The following RYR2 variants were observed in gnomAD, a reference collection of about 807,000 sequenced individuals.
RYR2 encodes ryanodine receptor 2.
A neutral mutation model predicts 601.1 loss-of-function variants in RYR2; 227 were observed. The observed-to-expected ratio is 0.38, with a 90% CI of 0.34 to 0.42. RYR2 has a LOEUF of 0.42. Ranked by LOEUF, RYR2 falls within the 10% of genes least tolerant of loss-of-function variation. The pLI, the probability that RYR2 is intolerant of heterozygous loss-of-function variation, is 1.00. For missense variants in RYR2, 4,646 were observed against 6,156.5 expected, an observed-to-expected ratio of 0.75 and a Z score of 8.21; for synonymous variants, 2,223 against 2,175.1, an observed-to-expected ratio of 1.02 and a Z score of -0.61.
intron 35 of RYR2, among the ~76,000 whole-genome samples, chr1:237,604,292 G>A (rs986952551): frequency 6.6e-6 from 1 of 152,084 alleles, no homozygotes; most frequent in Admixed American, 6.5e-5. Context: ...TCAACTACAT[G>A]GACACTGAAC....
chr1:237,310,146 G>A (rs753920242), intron 2 of RYR2, among the ~76,000 whole-genome samples: 17 of 152,186 alleles, frequency 1.1e-4, no homozygotes, highest in Non-Finnish European at 1.9e-4. Context: ...AGCGAGGGCT[G>A]CCAGCACGCT....
chr1:237,396,050 C>T (rs1028770792), intron 10 of RYR2, among the ~76,000 whole-genome samples: 8 of 152,168 alleles, frequency 5.3e-5, no homozygotes, highest in African/African-American at 1.2e-4. Context: ...AAGAAAGAAA[C>T]GGAGAAAAAA....
chr1:237,716,232 A>G (rs1455653679), intron 71 of RYR2, among the ~76,000 whole-genome samples: 1 of 152,126 alleles, frequency 6.6e-6, no homozygotes, highest in African/African-American at 2.4e-5. Flanking sequence ...ACCTCATGCT[A>G]TGATACACTT....
intron 24 of RYR2, among the ~76,000 whole-genome samples, chr1:237,524,997 A>G (rs1667431858): frequency 6.6e-6 from 1 of 152,092 alleles, no homozygotes; most frequent in Admixed American, 6.6e-5. Context: ...ACAGAGATAC[A>G]TAGGAATTTA....
At chr1:237,400,863 A>G (rs539403750) in intron 10 of RYR2, among the ~76,000 whole-genome samples, 1 of 152,302 alleles carries the variant, frequency 6.6e-6, no homozygotes, top group South Asian at 2.1e-4. Context: ...CTCTCTAGGC[A>G]GTTGCAATGT....
At chr1:237,497,781 C>A (rs1407164543) in intron 20 of RYR2, among the ~76,000 whole-genome samples, 1 of 152,122 alleles carries the variant, frequency 6.6e-6, no homozygotes, top group East Asian at 1.9e-4. Flanking sequence ...AACAATGATA[C>A]TTACTGAATT....
At chr1:237,677,017 C>T (rs1234787690) in intron 60 of RYR2, among the ~76,000 whole-genome samples, 1 of 152,040 alleles carries the variant, frequency 6.6e-6, no homozygotes, top group Non-Finnish European at 1.5e-5. Context: ...ATGAAATTTG[C>T]AAGTGTTAAA....
intron 1 of RYR2, among the ~76,000 whole-genome samples, chr1:237,190,508 A>G (rs1679861075): frequency 6.6e-6 from 1 of 152,168 alleles, no homozygotes; most frequent in African/African-American, 2.4e-5. Context: ...ATTCCTTATC[A>G]GATACAGTTG....
At chr1:237,511,528 TACTC>T (rs1162473564) in intron 23 of RYR2, among the ~76,000 whole-genome samples, 156 bp from the exon 24 acceptor site, 2 of 152,138 alleles carry the variant, frequency 1.3e-5, no homozygotes, top group Non-Finnish European at 2.9e-5. Context: ...TGACCTCAGA[TACTC>T]ACTGCGCCTG....
At chr1:237,569,873 C>T (rs1001479533) in intron 29 of RYR2, among the ~76,000 whole-genome samples, 1 of 152,128 alleles carries the variant, frequency 6.6e-6, no homozygotes, top group African/African-American at 2.4e-5. Context: ...ATGCAGGGAG[C>T]ACGTGCTGCT....
intron 17 of RYR2, among the ~76,000 whole-genome samples, chr1:237,472,592 A>G (rs1572480278): frequency 6.6e-6 from 1 of 152,342 alleles, no homozygotes; most frequent in East Asian, 1.9e-4. Flanking sequence ...GGTATTGCAA[A>G]GAATTGTTTA....
intron 29 of RYR2, among the ~76,000 whole-genome samples, chr1:237,586,869 A>C (rs1354226711): frequency 6.6e-6 from 1 of 151,740 alleles, no homozygotes; most frequent in Admixed American, 6.6e-5. Flanking sequence ...ACAGGTGCCC[A>C]CCACCATGCC....
intron 2 of RYR2, among the ~76,000 whole-genome samples, chr1:237,310,111 C>CGAGGCCGAGGAGGTGCT (rs1392703959): frequency 2.0e-5 from 3 of 152,168 alleles, no homozygotes; most frequent in African/African-American, 7.2e-5. Context: ...GAGTGGGTGC[C>CGAGGCCGAGGAGGTGCT]GAGGCCGAGG....
At chr1:237,230,610 T>A (rs539515336) in intron 1 of RYR2, among the ~76,000 whole-genome samples, 1 of 152,302 alleles carries the variant, frequency 6.6e-6, no homozygotes, top group South Asian at 2.1e-4. Flanking sequence ...ATACTGGGAA[T>A]GTTTTTATTT....
chr1:237,374,517 G>C (rs1017867829), intron 6 of RYR2, among the ~76,000 whole-genome samples, 200 bp from the exon 7 acceptor site: 2 of 152,086 alleles, frequency 1.3e-5, no homozygotes, highest in African/African-American at 2.4e-5. Flanking sequence ...AATTAGCCAG[G>C]CATGGTGGCA....
At chr1:237,093,889 C>T (rs572522029) in intron 1 of RYR2, among the ~76,000 whole-genome samples, 1 of 152,196 alleles carries the variant, frequency 6.6e-6, no homozygotes, top group Non-Finnish European at 1.5e-5. Flanking sequence ...GCTGACTGAA[C>T]GTGGCAAACC....
chr1:237,289,154 G>A (rs921411479), intron 2 of RYR2, among the ~76,000 whole-genome samples: 1 of 152,262 alleles, frequency 6.6e-6, no homozygotes, highest in South Asian at 2.1e-4. Context: ...CAGTTTTAGG[G>A]GGGTCTCCCG....
At chr1:237,049,860 T>C (rs1488300797) in intron 1 of RYR2, among the ~76,000 whole-genome samples, 1 of 152,130 alleles carries the variant, frequency 6.6e-6, no homozygotes, top group Non-Finnish European at 1.5e-5. Context: ...TTGCAAATCC[T>C]CTCTATTGTC....
At chr1:237,121,714 T>C (rs1261830427) in intron 1 of RYR2, among the ~76,000 whole-genome samples, 1 of 152,184 alleles carries the variant, frequency 6.6e-6, no homozygotes, top group Non-Finnish European at 1.5e-5. Flanking sequence ...GATAGTCAAG[T>C]ATATGTTCTG....
Sources: gnomAD v4.1 joint callset for allele counts (sites outside exome capture counted in the v4.1 genomes callset) on GRCh38, gnomAD v4.1.1 for gene constraint, MANE v1.5 for transcripts, NCBI Gene and HGNC (gene_info 2026-07-23, HGNC 2026-07-21) for gene names.